TNRC6C: variants seen among roughly 807,000 people sequenced by gnomAD.
TNRC6C encodes trinucleotide repeat containing adaptor 6C.
Under a neutral mutation model 153.7 loss-of-function variants are expected in TNRC6C, and 20 were observed. That is an observed-to-expected ratio of 0.13 (90% CI 0.09 to 0.19). The LOEUF (loss-of-function observed/expected upper bound fraction) is 0.19. TNRC6C is among the 10% of genes least tolerant of loss of function. The probability of loss-of-function intolerance (pLI) is 1.00; values close to 1 mark genes in which losing one functional copy is unlikely to be tolerated. For missense variants in TNRC6C, 1,987 were observed against 2,172.0 expected (o/e 0.91, Z 1.69); for synonymous variants, 811 against 841.4 (o/e 0.96, Z 0.63).
At chr17:78,067,573 ATACATGTTTATT>A (rs1369657638) in intron 4 of TNRC6C, among the ~76,000 whole-genome samples, 172 bp from the exon 7 acceptor site, 1 of 152,212 alleles carries the variant, frequency 6.6e-6, no homozygotes, top group Non-Finnish European at 1.5e-5. Flanking sequence ...TTATATACAT[ATACATGTTTATT>A]TACATATGTA....
intron 2 of TNRC6C, among the ~76,000 whole-genome samples, chr17:78,043,877 T>G (rs925675043): frequency 6.6e-5 from 10 of 152,220 alleles, no homozygotes; most frequent in Non-Finnish European, 1.3e-4. Flanking sequence ...TCCATCCATG[T>G]TGTTGCAAAT....
chr17:78,008,836 T>C lies in TNRC6C; in HGVS notation c.-546+3757T>C, dbSNP rs866518809. 7.2e-5 allele frequency: 11 copies of C among 152,322 alleles called. No homozygotes were observed. The East Asian group carries it at 1.7e-3, about 24-fold the overall frequency. The allele number at this position is 152,322 out of a possible 1,614,324, so 9.4% of individuals were successfully genotyped here. ...TCCTCTGTCCTGAGATATTTACCCA[T>C]TAACAGTTAGCCATCCTTGAATGCA... On this transcript the variant is annotated intron_variant, in intron 1 of 19. Coordinates refer to ENST00000301624, the Ensembl canonical transcript of TNRC6C.
intron 2 of TNRC6C, among the ~76,000 whole-genome samples, chr17:78,032,390 G>C (rs2143733512): frequency 6.6e-6 from 1 of 152,252 alleles, no homozygotes; most frequent in South Asian, 2.1e-4. Context: ...ATCACCACTT[G>C]TTTATTTGCT....
At chr17:78,087,130 A>T (rs770331662) in intron 13 of TNRC6C, 37 bp downstream of exon 15, 2 of 1,604,920 alleles carry the variant, frequency 1.2e-6, no homozygotes, top group East Asian at 4.5e-5. Flanking sequence ...CACATCAGGT[A>T]GAGAGGGTAC....
In TNRC6C at chr17:78,104,912, C is replaced by A; in HGVS notation, c.*67C>A. On this transcript the variant is annotated 3_prime_UTR_variant, in exon 20 of 20. Transcript: ENST00000301624. This position sits in a 1 kb window ranked among gnomAD's most constrained non-coding sequence, Gnocchi z 6.2. ...GACCCCTCCCGGCTGGGCGGCCCCA[C>A]AGACCCGCTGGAACCCAGCAGCGGC... The A allele has an allele frequency of 7.3e-7, 1 of 1,370,548 alleles. No homozygotes were observed. The allele number at this position is 1,370,548 out of a possible 1,614,324, so 84.9% of individuals were successfully genotyped here.
At chr17:78,010,272 A>G (rs953842526) in intron 1 of TNRC6C, among the ~76,000 whole-genome samples, 4 of 152,216 alleles carry the variant, frequency 2.6e-5, no homozygotes, top group African/African-American at 9.6e-5. Context: ...TTCAGTTTGT[A>G]ATTGGTAAAC....
chr17:77,970,734 ATTC>A (rs1270080245), intron 1 of TNRC6C, among the ~76,000 whole-genome samples: 7 of 152,064 alleles, frequency 4.6e-5, no homozygotes, highest in South Asian at 4.1e-4. Flanking sequence ...GCCCAAGACA[ATTC>A]TTCTTCTTCC....
In TNRC6C at chr17:78,075,018, C is replaced by A; in HGVS notation, c.2918-118C>A. On this transcript the variant is annotated intron_variant, in intron 7 of 19. Transcript: ENST00000301624. This position sits in a 1 kb window ranked among gnomAD's most constrained non-coding sequence, Gnocchi z 4.2. ...AAGGGCTCTCTCTGCCCCTGGCTTC[C>A]CTGTGTTTGAAGGGGTGGAGGGTCT... The A allele has an allele frequency of 7.6e-7, 1 of 1,313,792 alleles. No individual in the cohort carries two copies. Among genetic ancestry groups the A allele is most frequent in the Non-Finnish European group, 1.0e-6 (1 of 963,990 alleles). 81.4% of individuals were successfully genotyped at this position (1,313,792 alleles called of 1,614,324 possible). A position where few individuals can be genotyped will look rare whatever the true frequency, so the allele number is the denominator to read the frequency against.
chr17:78,029,078 C>T (rs1567923263), intron 1 of TNRC6C, among the ~76,000 whole-genome samples: 1 of 152,176 alleles, frequency 6.6e-6, no homozygotes, highest in Non-Finnish European at 1.5e-5. Flanking sequence ...GTTTATGCAA[C>T]TTACTCTAAT....
intron 5 of TNRC6C, among the ~76,000 whole-genome samples, chr17:78,070,767 G>A (rs1280336079): frequency 1.3e-5 from 2 of 152,110 alleles, no homozygotes; most frequent in East Asian, 1.9e-4. Flanking sequence ...TCAAGGGAGC[G>A]CTTAGGATTA....
intron 16 of TNRC6C, 151 bp from the exon 20 acceptor site, chr17:78,098,192 C>T (rs1006787915): frequency 4.9e-6 from 4 of 809,318 alleles, no homozygotes; most frequent in Admixed American, 6.3e-5. Flanking sequence ...TTTGTGGTTA[C>T]TTGAGTTTGC....
intron 2 of TNRC6C, among the ~76,000 whole-genome samples, chr17:78,046,637 T>A (rs2072417143): frequency 6.6e-6 from 1 of 152,244 alleles, no homozygotes; most frequent in African/African-American, 2.4e-5. Context: ...ACGTATTTCA[T>A]GTCTTCTACA....
At chr17:77,976,474 T>G (rs985682190) in intron 1 of TNRC6C, among the ~76,000 whole-genome samples, 1 of 152,232 alleles carries the variant, frequency 6.6e-6, no homozygotes, top group Non-Finnish European at 1.5e-5. Flanking sequence ...TCACACACAG[T>G]AGCCCCAGTT....
intron 16 of TNRC6C, among the ~76,000 whole-genome samples, chr17:78,096,649 T>C (rs896230472): frequency 2.6e-5 from 4 of 152,228 alleles, no homozygotes; most frequent in Non-Finnish European, 4.4e-5. Context: ...CGTCCGATTC[T>C]GTTTATGGTC....
chr17:77,958,633 G>A (rs1190245973), upstream of TNRC6C, among the ~76,000 whole-genome samples: 1 of 152,034 alleles, frequency 6.6e-6, no homozygotes. Flanking sequence ...CCTGTTGGAG[G>A]CCAACGCGGG....
chr17:77,958,479 AG>A (rs1340310771), upstream of TNRC6C, among the ~76,000 whole-genome samples: 1 of 151,466 alleles, frequency 6.6e-6, no homozygotes, highest in African/African-American at 2.4e-5. Flanking sequence ...TTAAGGGGAA[AG>A]GAGGAGGCGT....
In TNRC6C at chr17:78,096,220, A is replaced by G. The variant is rs1159219651; in HGVS notation, c.4307-2123A>G. On this transcript the variant is annotated intron_variant, in intron 16 of 19. Coordinates refer to ENST00000301624, the Ensembl canonical transcript of TNRC6C. ...CAAACGGGAGCCCAACACCGAGTTC[A>G]CACAACACAAAGAAGGGAGCAGCAG... 2.6e-5 allele frequency among the ~76,000 whole-genome samples: 4 copies of G among 152,164 alleles called. No individual in the cohort carries two copies. The East Asian group carries it at 7.7e-4, about 29-fold the overall frequency.
At chr17:77,965,790 C>A (rs2070892445) in intron 1 of TNRC6C, among the ~76,000 whole-genome samples, 1 of 152,232 alleles carries the variant, frequency 6.6e-6, no homozygotes, top group African/African-American at 2.4e-5. Context: ...TATACTGGAT[C>A]TCCTCTCTTA....
intron 5 of TNRC6C, among the ~76,000 whole-genome samples, chr17:78,069,483 G>T (rs754742067): frequency 6.6e-6 from 1 of 152,244 alleles, no homozygotes; most frequent in African/African-American, 2.4e-5. Context: ...TCCTGGGCTC[G>T]AATTGTCCTC....
Sources: gnomAD v4.1 joint callset for allele counts (sites outside exome capture counted in the v4.1 genomes callset) on GRCh38, gnomAD v4.1.1 for gene constraint, Gnocchi (gnomAD v3.1) non-coding constraint, MANE v1.5 for transcripts, NCBI Gene and HGNC (gene_info 2026-07-23, HGNC 2026-07-21) for gene names.